The following COL25A1 variants were observed in gnomAD, a reference collection of about 807,000 sequenced individuals.
COL25A1 encodes collagen alpha-1(XXV) chain.
A neutral mutation model predicts 128.4 loss-of-function variants in COL25A1; 103 were observed. The observed-to-expected ratio is 0.80, with a 90% CI of 0.68 to 0.94. The LOEUF (loss-of-function observed/expected upper bound fraction) is 0.94, where lower values mean the gene tolerates loss of function less well. Among genes scored for constraint, COL25A1 ranks in the 40% least tolerant of loss-of-function variants. The pLI is 0.00. For synonymous variants in COL25A1, 279 were observed against 277.2 expected (o/e 1.01, Z -0.06); for missense variants, 745 against 840.0 (o/e 0.89, Z 1.40).
intron 10 of COL25A1, among the ~76,000 whole-genome samples, chr4:108,939,853 T>A (rs1196087034): frequency 6.6e-6 from 1 of 152,198 alleles, no homozygotes; most frequent in African/African-American, 2.4e-5. Flanking sequence ...ATCTTCTGCC[T>A]TTTACTACTA....
intron 3 of COL25A1, among the ~76,000 whole-genome samples, chr4:109,093,464 A>AAAAACAAAC (rs1553931011): frequency 3.0e-5 from 4 of 131,364 alleles, no homozygotes; most frequent in African/African-American, 1.1e-4. Context: ...TATGAAAAAA[A>AAAAACAAAC]AAAAAAAAAA....
In COL25A1 at chr4:109,302,279, G is replaced by A; in HGVS notation, c.-167C>T. Reference sequence around the variant, plus strand: ...CCGTCCGGGGACTGGGTGGCGGTGGGGTAAAAAGCAAGACGAAACCCACCC... The same window carrying A: ...CCGTCCGGGGACTGGGTGGCGGTGGAGTAAAAAGCAAGACGAAACCCACCC... On this transcript the variant is annotated 5_prime_UTR_variant, in exon 1 of 38. Transcript: ENST00000399132. 2.1e-6 allele frequency: 1 copy of A among 478,064 alleles called. No homozygotes were observed. Among genetic ancestry groups the A allele is most frequent in the Non-Finnish European group, 3.6e-6 (1 of 274,494 alleles). 29.6% of individuals were successfully genotyped at this position (478,064 alleles called of 1,614,324 possible).
At chr4:109,138,689 T>TGTTTTTGTTTTTTGTTTTTTG (rs1388568083) in intron 3 of COL25A1, among the ~76,000 whole-genome samples, 256 of 152,058 alleles carry the variant, frequency 1.7e-3, no homozygotes, top group Non-Finnish European at 2.0e-3. Flanking sequence ...TTTTTGTTTT[T>TGTTTTTGTTTTTTGTTTTTTG]GTTTTTGTTT....
chr4:109,109,602 G>A (rs542605424), intron 3 of COL25A1, among the ~76,000 whole-genome samples: 3 of 152,218 alleles, frequency 2.0e-5, no homozygotes, highest in Non-Finnish European at 2.9e-5. Context: ...AACTCTCCCC[G>A]CTATCCTCTG....
rs1753921875 is a variant in COL25A1 at position 108,988,989 on chromosome 4, A to G, written c.439-14430T>C. On this transcript the variant is annotated intron_variant, in intron 6 of 37. Transcript: ENST00000399132. ...GTGTCAGCTACTACTTGTCCACTCT[A>G]TCCCACTGTGGCCTCTCTCCAGGAC... Among the ~76,000 whole-genome samples the G allele has an allele frequency of 2.0e-5, 3 of 152,070 alleles. No homozygotes were observed. The South Asian group carries it at 6.2e-4, about 31-fold the overall frequency.
intron 3 of COL25A1, among the ~76,000 whole-genome samples, chr4:109,138,784 G>A (rs558282111): frequency 1.9e-4 from 29 of 152,058 alleles, no homozygotes; most frequent in African/African-American, 6.7e-4. Flanking sequence ...TCTCAGCTCA[G>A]GCAAGCTCCA....
intron 3 of COL25A1, among the ~76,000 whole-genome samples, chr4:109,229,460 G>GA (rs1338771992): frequency 6.6e-6 from 1 of 152,044 alleles, no homozygotes; most frequent in East Asian, 1.9e-4. Flanking sequence ...CATTAACATT[G>GA]AACTTACTGC....
intron 24 of COL25A1, among the ~76,000 whole-genome samples, chr4:108,853,221 G>A (rs1442942817): frequency 6.6e-6 from 1 of 152,074 alleles, no homozygotes; most frequent in Non-Finnish European, 1.5e-5. Flanking sequence ...ATATATGCTA[G>A]AGGCTTGTCA....
chr4:108,823,935 T>C (rs1732067144), intron 35 of COL25A1: 1 of 1,411,910 alleles, frequency 7.1e-7, no homozygotes, highest in South Asian at 1.6e-5. Context: ...TGAAAAACTG[T>C]AGCTAGAATA....
chr4:108,893,313 T>C (rs1056519441), intron 16 of COL25A1, among the ~76,000 whole-genome samples: 1 of 152,172 alleles, frequency 6.6e-6, no homozygotes, highest in African/African-American at 2.4e-5. Flanking sequence ...AACCATTTAG[T>C]GTGCAGCACA....
chr4:108,985,684 T>G (rs1337752580), intron 6 of COL25A1, among the ~76,000 whole-genome samples: 2 of 152,222 alleles, frequency 1.3e-5, no homozygotes, highest in African/African-American at 4.8e-5. Context: ...ACTGGAGTTT[T>G]GGGAAGATGG....
At chr4:109,094,339 T>C (rs1280736258) in intron 3 of COL25A1, among the ~76,000 whole-genome samples, 1 of 152,232 alleles carries the variant, frequency 6.6e-6, no homozygotes, top group Non-Finnish European at 1.5e-5. Flanking sequence ...CCCTTGAATT[T>C]AATTTTCCTC....
intron 35 of COL25A1, chr4:108,823,801 G>T: frequency 1.5e-6 from 1 of 646,246 alleles, no homozygotes; most frequent in Non-Finnish European, 2.2e-6. Flanking sequence ...GTGAGATGCT[G>T]CCTTTGCAGG....
At chr4:108,817,167 C>T (rs577228279) in intron 37 of COL25A1, among the ~76,000 whole-genome samples, 1 of 152,186 alleles carries the variant, frequency 6.6e-6, no homozygotes, top group Admixed American at 6.5e-5. Flanking sequence ...CCTTTCCATT[C>T]CAAAGAAAAG....
chr4:109,053,073 A>G (rs4404627), intron 3 of COL25A1, among the ~76,000 whole-genome samples: 13 of 152,282 alleles, frequency 8.5e-5, no homozygotes, highest in African/African-American at 3.1e-4. Context: ...AACAGAAGCT[A>G]TCAGCAACAG....
At chr4:109,227,462 C>G (rs1373336314) in intron 3 of COL25A1, among the ~76,000 whole-genome samples, 10 of 152,170 alleles carry the variant, frequency 6.6e-5, no homozygotes, top group African/African-American at 2.2e-4. Flanking sequence ...TTTCTATAAT[C>G]TTCTAAACAC....
chr4:109,001,701 TG>T (rs1755433398), intron 6 of COL25A1, among the ~76,000 whole-genome samples: 1 of 152,154 alleles, frequency 6.6e-6, no homozygotes, highest in Non-Finnish European at 1.5e-5. Context: ...GTCACCTGCA[TG>T]TTGGAAAAGG....
Position 109,050,115 on chromosome 4 carries a change from C to A in COL25A1, c.412+20G>T. The A allele has an allele frequency of 6.2e-7, 1 of 1,603,546 alleles. No homozygotes were observed. Among genetic ancestry groups the A allele is most frequent in the Admixed American group, 1.7e-5 (1 of 59,612 alleles). Reference sequence around the variant, plus strand: ...TAACCAGAACATGAGTGACACAGAGCAGCTGAAAGAGAGACTTACCAGATT... The same window carrying A: ...TAACCAGAACATGAGTGACACAGAGAAGCTGAAAGAGAGACTTACCAGATT... On this transcript the variant is annotated intron_variant, in intron 4 of 37. Transcript: ENST00000399132.
chr4:109,086,018 G>T (rs968971759), intron 3 of COL25A1, among the ~76,000 whole-genome samples: 1 of 152,198 alleles, frequency 6.6e-6, no homozygotes, highest in Non-Finnish European at 1.5e-5. Context: ...CACTTCCCCT[G>T]AAAGATTATT....
Sources: gnomAD v4.1 joint callset for allele counts (sites outside exome capture counted in the v4.1 genomes callset) on GRCh38, gnomAD v4.1.1 for gene constraint, MANE v1.5 for transcripts, NCBI Gene and HGNC (gene_info 2026-07-23, HGNC 2026-07-21) for gene names.